The following HDAC9 variants were observed in gnomAD, a reference collection of about 807,000 sequenced individuals.
HDAC9 encodes histone deacetylase 9.
Under a neutral mutation model 139.4 loss-of-function variants are expected in HDAC9, and 41 were observed. That is an observed-to-expected ratio of 0.29 (90% confidence interval 0.23 to 0.38). The LOEUF is 0.38. Ranked by LOEUF, HDAC9 falls within the 10% of genes least tolerant of loss-of-function variation. The pLI is 1.00. For synonymous variants in HDAC9, 517 were observed against 476.2 expected (o/e 1.09, Z -1.12); for missense variants, 1,147 against 1,297.0 (o/e 0.88, Z 1.78).
At chr7:18,506,839 G>C (rs915988559) in intron 2 of HDAC9, among the ~76,000 whole-genome samples, 3 of 152,072 alleles carry the variant, frequency 2.0e-5, no homozygotes, top group Non-Finnish European at 4.4e-5. Flanking sequence ...CAGCATATGA[G>C]AAAAGTAAGT....
intron 1 of HDAC9, among the ~76,000 whole-genome samples, chr7:18,397,315 CCACTGTATTTTCAA>C (rs1311391193): frequency 1.3e-5 from 2 of 152,064 alleles, no homozygotes; most frequent in African/African-American, 4.8e-5. Flanking sequence ...TGGTAAAAAT[CCACTGTATTTTCAA>C]CTCAGAATGC....
chr7:18,746,351 A>G (rs1329283797), intron 13 of HDAC9, among the ~76,000 whole-genome samples: 2 of 152,120 alleles, frequency 1.3e-5, no homozygotes, highest in African/African-American at 4.8e-5. Flanking sequence ...ACATCTCTGT[A>G]TTTTAAATGT....
At chr7:18,559,367 C>G (rs1351552622) in intron 2 of HDAC9, among the ~76,000 whole-genome samples, 1 of 152,122 alleles carries the variant, frequency 6.6e-6, no homozygotes, top group Admixed American at 6.6e-5. Context: ...GATGTTTATA[C>G]TTTAGATTTC....
At chr7:18,294,488 T>C (rs1329122004) in intron 1 of HDAC9, among the ~76,000 whole-genome samples, 1 of 152,118 alleles carries the variant, frequency 6.6e-6, no homozygotes, top group Non-Finnish European at 1.5e-5. Context: ...CTGAATGGCA[T>C]AGATGCTTCT....
chr7:18,724,223 C>T (rs1206541021), intron 12 of HDAC9, among the ~76,000 whole-genome samples: 2 of 152,082 alleles, frequency 1.3e-5, no homozygotes, highest in African/African-American at 2.4e-5. Flanking sequence ...GTATAGCACT[C>T]ACTGTATTTA....
chr7:18,585,606 G>A (rs1002890312), intron 3 of HDAC9, 84 bp downstream of exon 3: 23 of 1,493,140 alleles, frequency 1.5e-5, no homozygotes, highest in African/African-American at 4.1e-5. Context: ...AACACTTTGC[G>A]GGTAGATTCA....
intron 2 of HDAC9, among the ~76,000 whole-genome samples, chr7:18,210,764 A>G (rs1791883742): frequency 6.6e-6 from 1 of 152,220 alleles, no homozygotes; most frequent in African/African-American, 2.4e-5. Context: ...TTATAAAATG[A>G]CAAATTTTAT....
chr7:18,448,908 A>G (rs1306134924), intron 1 of HDAC9, among the ~76,000 whole-genome samples: 1 of 152,122 alleles, frequency 6.6e-6, no homozygotes, highest in Non-Finnish European at 1.5e-5. Context: ...ATATAATAAT[A>G]AAGTGACAGA....
chr7:18,480,756 A>AT (rs113083282), intron 1 of HDAC9, among the ~76,000 whole-genome samples: 2,346 of 152,218 alleles, frequency 0.015, 65 homozygotes, highest in African/African-American at 0.053. Context: ...TTCTTAAGTG[A>AT]TTTTTTTCTA....
intron 1 of HDAC9, among the ~76,000 whole-genome samples, chr7:18,389,719 A>T (rs1470390912): frequency 6.6e-6 from 1 of 152,218 alleles, no homozygotes; most frequent in East Asian, 1.9e-4. Flanking sequence ...TTTACCTTAA[A>T]GACAGTTGGA....
intron 1 of HDAC9, chr7:18,430,593 C>G (rs1790550084): frequency 6.6e-6 from 1 of 152,078 alleles, no homozygotes; most frequent in Non-Finnish European, 1.5e-5. Context: ...AAGTAAAACC[C>G]TCACCAGGCT....
chr7:18,256,690 T>C (rs1471746546), intron 2 of HDAC9, among the ~76,000 whole-genome samples: 1 of 152,244 alleles, frequency 6.6e-6, no homozygotes, highest in African/African-American at 2.4e-5. Flanking sequence ...GTTTAGGAAC[T>C]GTGGTGGGTA....
At chr7:18,339,897 T>C (rs888702086) in intron 1 of HDAC9, among the ~76,000 whole-genome samples, 1 of 151,496 alleles carries the variant, frequency 6.6e-6, no homozygotes, top group African/African-American at 2.4e-5. Context: ...CAAGTGCTAA[T>C]GAGGTCAAGT....
intron 1 of HDAC9, among the ~76,000 whole-genome samples, chr7:18,457,507 C>T (rs560563337): frequency 6.6e-6 from 1 of 152,118 alleles, no homozygotes; most frequent in South Asian, 2.1e-4. Context: ...TAAAAATAAT[C>T]TAATTATTCA....
At chr7:18,701,412 C>A (rs202231895) in intron 12 of HDAC9, among the ~76,000 whole-genome samples, 1,604 of 83,868 alleles carry the variant, frequency 0.019, 25 homozygotes, top group African/African-American at 0.033. Flanking sequence ...AAAAACAAAA[C>A]AAACAAAAAA....
rs560523306 is a variant in HDAC9 at position 18,780,231 on chromosome 7, G to A, written c.2214+13076G>A. Reference sequence around the variant, plus strand: ...TCACCTATGAAGTAAGGTGATAAATGAAATGTGATTTATTGTCTTCTCTGG... The same window carrying A: ...TCACCTATGAAGTAAGGTGATAAATAAAATGTGATTTATTGTCTTCTCTGG... On this transcript the variant is annotated intron_variant, in intron 16 of 25. Transcript: ENST00000686413. 2.0e-5 allele frequency among the ~76,000 whole-genome samples: 3 copies of A among 152,144 alleles called. No individual in the cohort carries two copies. The South Asian group carries it at 6.2e-4, about 32-fold the overall frequency.
chr7:18,224,842 A>G (rs1049741503), intron 2 of HDAC9, among the ~76,000 whole-genome samples: 8 of 152,320 alleles, frequency 5.3e-5, no homozygotes, highest in Non-Finnish European at 1.2e-4. Flanking sequence ...GATAATAAAG[A>G]GGAGGTAAAT....
At chr7:18,992,576 A>C (rs1287787864) in intron 25 of HDAC9, among the ~76,000 whole-genome samples, 1 of 152,230 alleles carries the variant, frequency 6.6e-6, no homozygotes, top group East Asian at 1.9e-4. Context: ...AAATGAGAAA[A>C]TGTTTTACTA....
At chr7:18,296,373 A>G (rs761189973) in intron 1 of HDAC9, among the ~76,000 whole-genome samples, 4 of 150,894 alleles carry the variant, frequency 2.7e-5, no homozygotes, top group Non-Finnish European at 5.9e-5. Context: ...GTCTTTAAAA[A>G]TAATAAATTT....
Sources: gnomAD v4.1 joint callset for allele counts (sites outside exome capture counted in the v4.1 genomes callset) on GRCh38, gnomAD v4.1.1 for gene constraint, MANE v1.5 for transcripts, NCBI Gene and HGNC (gene_info 2026-07-23, HGNC 2026-07-21) for gene names.